The following ATP13A5 variants were observed in gnomAD, a reference collection of about 807,000 sequenced individuals.
The protein encoded by ATP13A5 is probable cation-transporting ATPase 13A5.
A neutral mutation model predicts 150.2 loss-of-function variants in ATP13A5; 149 were observed. The observed-to-expected ratio is 0.99, with a 90% CI of 0.87 to 1.14. The LOEUF is 1.14. ATP13A5 is among the 50% of genes most tolerant of loss of function. The pLI, the probability that ATP13A5 is intolerant of heterozygous loss-of-function variation, is 0.00. For missense variants in ATP13A5, 1,383 were observed against 1,449.3 expected, an observed-to-expected ratio of 0.95 and a Z score of 0.74; for synonymous variants, 497 against 522.2, an observed-to-expected ratio of 0.95 and a Z score of 0.66.
At chr3:193,285,700 T>C (rs1053769974) in intron 26 of ATP13A5, among the ~76,000 whole-genome samples, 7 of 152,146 alleles carry the variant, frequency 4.6e-5, no homozygotes, top group Non-Finnish European at 5.9e-5. Context: ...TCCAAACATA[T>C]AGGATTATTC....
In ATP13A5 at chr3:193,347,139, T is replaced by G. The variant is rs533348459; in HGVS notation, c.742-2064A>C. ...ATTGATTTATTTTGCATGTCAGAGA[T>G]GTATTTAAAACCTGCAAGGCATCAT... is the stretch of plus-strand genomic sequence containing the variant. On this transcript the variant is annotated intron_variant, in intron 7 of 29. Transcript: ENST00000342358. 6.6e-5 allele frequency among the ~76,000 whole-genome samples: 10 copies of G among 152,340 alleles called. No individual in the cohort carries two copies. The Middle Eastern group carries it at 0.01, about 155-fold the overall frequency.
At chr3:193,368,678 A>C (rs1005720841) in intron 1 of ATP13A5, among the ~76,000 whole-genome samples, 1 of 152,182 alleles carries the variant, frequency 6.6e-6, no homozygotes, top group African/African-American at 2.4e-5. Context: ...CTGTGTGGGA[A>C]AGGGTGATTT....
chr3:193,310,601 T>C (rs776510559), intron 21 of ATP13A5, 37 bp downstream of exon 21: 6 of 1,504,738 alleles, frequency 4.0e-6, no homozygotes, highest in Non-Finnish European at 5.4e-6. Context: ...TAGCAAGAGT[T>C]AATGAGCACA....
rs144753602 is a variant in ATP13A5, at chr3:193,300,076, G to A, written c.2776-873C>T. Among the ~76,000 whole-genome samples, 480 of 152,242 alleles carry A rather than the reference G, an allele frequency of 3.2e-3. 3 individuals are homozygous for A. The highest frequency in any genetic ancestry group is 0.011 in the African/African-American group (441 of 41,570). On this transcript the variant is annotated intron_variant, in intron 24 of 29. Transcript: ENST00000342358. ...TTCTACCTCCATCCGTGGAGGCTTT[G>A]GAAAATGAATTTCTGCTTTCACATG...
At chr3:193,362,508 A>G in intron 4 of ATP13A5, 47 bp from the exon 5 acceptor site, 1 of 1,613,182 alleles carries the variant, frequency 6.2e-7, no homozygotes, top group Non-Finnish European at 8.5e-7. Context: ...CATAGCACTC[A>G]ACAAATCAGT....
intron 23 of ATP13A5, among the ~76,000 whole-genome samples, chr3:193,304,980 T>C (rs1718553140): frequency 6.6e-6 from 1 of 150,920 alleles, no homozygotes; most frequent in South Asian, 2.1e-4. Flanking sequence ...TCCCTCACTA[T>C]CATGAGAACA....
chr3:193,372,001 C>G (rs766386824), intron 1 of ATP13A5, among the ~76,000 whole-genome samples: 1 of 151,936 alleles, frequency 6.6e-6, no homozygotes, highest in Non-Finnish European at 1.5e-5. Flanking sequence ...TCTGCCACCA[C>G]AGATGATTAG....
At chr3:193,279,501 A>T (rs748645339) in intron 27 of ATP13A5, 47 bp from the exon 28 acceptor site, 11 of 1,525,540 alleles carry the variant, frequency 7.2e-6, no homozygotes, top group Middle Eastern at 1.7e-4. Flanking sequence ...AGAATGTTTC[A>T]TATAATTTGG....
chr3:193,373,646 C>T (rs1460109329), intron 1 of ATP13A5, among the ~76,000 whole-genome samples: 1 of 152,178 alleles, frequency 6.6e-6, no homozygotes, highest in African/African-American at 2.4e-5. Flanking sequence ...AAATGAACCA[C>T]TTATTTTTCA....
chr3:193,362,096 A>T (rs986015412), intron 5 of ATP13A5, among the ~76,000 whole-genome samples: 3 of 152,354 alleles, frequency 2.0e-5, no homozygotes, highest in Admixed American at 1.3e-4. Context: ...GGAATGACTC[A>T]AGATTTTTTT....
At chr3:193,291,470 A>G (rs1281980081) in intron 25 of ATP13A5, among the ~76,000 whole-genome samples, 1 of 151,840 alleles carries the variant, frequency 6.6e-6, no homozygotes, top group Non-Finnish European at 1.5e-5. Context: ...GGGCTTTGAG[A>G]GTTTATGCTA....
chr3:193,288,604 C>A (rs1365560443), intron 26 of ATP13A5, among the ~76,000 whole-genome samples: 1 of 152,018 alleles, frequency 6.6e-6, no homozygotes. Context: ...GTAAACATAA[C>A]TTTTATATGG....
intron 23 of ATP13A5, among the ~76,000 whole-genome samples, chr3:193,302,225 A>G (rs1718429417): frequency 6.6e-6 from 1 of 152,184 alleles, no homozygotes; most frequent in East Asian, 1.9e-4. Context: ...AAGAACCTAA[A>G]AGCCAAACTA....
At chr3:193,371,407 C>A (rs1299161391) in intron 1 of ATP13A5, among the ~76,000 whole-genome samples, 1 of 152,226 alleles carries the variant, frequency 6.6e-6, no homozygotes, top group East Asian at 1.9e-4. Context: ...TGCTGCATAG[C>A]AAACTCAGTG....
chr3:193,330,066 C>A (rs1425142992), intron 12 of ATP13A5, among the ~76,000 whole-genome samples: 1 of 152,310 alleles, frequency 6.6e-6, no homozygotes, highest in Admixed American at 6.5e-5. Flanking sequence ...TCTAGCCACA[C>A]CCCATGGTCC....
intron 21 of ATP13A5, among the ~76,000 whole-genome samples, chr3:193,308,691 C>T (rs1455146530): frequency 6.6e-6 from 1 of 152,094 alleles, no homozygotes; most frequent in African/African-American, 2.4e-5. Context: ...CAGCCTTATG[C>T]ACATTGCCAA....
At chr3:193,357,804 C>A (rs375415010) in intron 5 of ATP13A5, among the ~76,000 whole-genome samples, 135 of 152,314 alleles carry the variant, frequency 8.9e-4, no homozygotes, top group African/African-American at 3.0e-3. Context: ...GAGGGGATTT[C>A]TGCAGGGACC....
In ATP13A5 at chr3:193,275,131, C is replaced by T. The variant is rs114013184; in HGVS notation, c.3568G>A (p.Gly1190Arg). 310 of 1,614,142 alleles carry T rather than the reference C, an allele frequency of 1.9e-4. No homozygotes were observed. In the African/African-American group the frequency reaches 3.4e-3, roughly 17 times the overall value. Residue 1190 changes from glycine (G) to arginine (R), a missense_variant, in exon 30 of 30, where the codon GGA becomes AGA. Physicochemically the swap from Gly to Arg is moderately radical, Grantham distance 125 (BLOSUM62 -2). Around this residue, in one of 3 missense-constraint regions of ATP13A5, gnomAD observed 568 missense variants for 621.5 expected, o/e 0.91. Transcript: ENST00000342358. Reference sequence around the variant, plus strand: ...ATCTGTTCATGGCTTTCATAGCCTCCGTTGATGTAGAATCCATTTTTGCCA... The same window carrying T: ...ATCTGTTCATGGCTTTCATAGCCTCTGTTGATGTAGAATCCATTTTTGCCA... ...GDGKNGFYIN[G>R]GYESHEQIPK...
At chr3:193,287,411 T>G (rs2108824035) in intron 26 of ATP13A5, among the ~76,000 whole-genome samples, 1 of 152,296 alleles carries the variant, frequency 6.6e-6, no homozygotes, top group Non-Finnish European at 1.5e-5. Flanking sequence ...ACGCAGCTGG[T>G]GACTTTAAGT....
Sources: allele counts gnomAD v4.1 joint callset (sites outside exome capture counted in the v4.1 genomes callset), GRCh38; gene constraint gnomAD v4.1.1; regional missense constraint gnomAD v4.1.1; transcripts MANE v1.5; gene names NCBI Gene and HGNC (gene_info 2026-07-23, HGNC 2026-07-21).